The following AHI1 variants were observed in gnomAD, a reference collection of about 807,000 sequenced individuals.
AHI1 encodes jouberin.
Under a neutral mutation model 149.3 loss-of-function variants are expected in AHI1, and 123 were observed. That is an observed-to-expected ratio of 0.82 (90% CI 0.71 to 0.96). The LOEUF (loss-of-function observed/expected upper bound fraction) is 0.96, where lower values mean the gene tolerates loss of function less well. Ranked by LOEUF, AHI1 falls within the 40% of genes least tolerant of loss-of-function variation. AHI1 has a pLI of 0.00. For missense variants in AHI1, 1,439 were observed against 1,422.7 expected (o/e 1.01, Z -0.18); for synonymous variants, 475 against 459.8 (o/e 1.03, Z -0.42).
In AHI1 at chr6:135,468,520, A is replaced by G. The variant is rs541284209; in HGVS notation, c.136-886T>C. 1.7e-4 allele frequency among the ~76,000 whole-genome samples: 26 copies of G among 152,300 alleles called. No homozygotes were observed. In the South Asian group the frequency reaches 4.1e-3, roughly 24 times the overall value. On this transcript the variant is annotated intron_variant, in intron 5 of 28. Coordinates refer to ENST00000265602, the MANE Select transcript of AHI1 (RefSeq NM_001134831.2). The stretch of plus-strand genomic sequence containing the variant: ...GGAGTTCGAGATCAGCCTGGCCAAC[A>G]TGGTGAAACCCTATCTCTATCAAAA...
intron 5 of AHI1, among the ~76,000 whole-genome samples, chr6:135,486,058 C>T (rs1279219602): frequency 6.6e-6 from 1 of 152,170 alleles, no homozygotes; most frequent in Non-Finnish European, 1.5e-5. Flanking sequence ...ATGTAAAGCA[C>T]TTATTATGGT....
intron 23 of AHI1, among the ~76,000 whole-genome samples, chr6:135,367,555 A>C (rs1335955825): frequency 6.6e-6 from 1 of 151,940 alleles, no homozygotes; most frequent in Admixed American, 6.6e-5. Flanking sequence ...TCATTAAAAA[A>C]ATTTTTTCTT....
At chr6:135,422,973 C>T (rs949771846) in intron 20 of AHI1, among the ~76,000 whole-genome samples, 9 of 152,070 alleles carry the variant, frequency 5.9e-5, no homozygotes, top group Non-Finnish European at 1.2e-4. Flanking sequence ...GTGCCTAAGA[C>T]AGATAGCTTA....
At chr6:135,327,584 AT>A (rs1251092536) in intron 24 of AHI1, among the ~76,000 whole-genome samples, 2 of 152,144 alleles carry the variant, frequency 1.3e-5, no homozygotes, top group African/African-American at 4.8e-5. Context: ...TTTTGGTTTA[AT>A]GGTGGGTATG....
At chr6:135,430,021 A>G (rs1245804916) in intron 17 of AHI1, 21 bp from the exon 18 acceptor site, 1 of 1,334,852 alleles carries the variant, frequency 7.5e-7, no homozygotes, top group Non-Finnish European at 1.0e-6. Context: ...TAAAAAAAAT[A>G]CTACTACTGA....
At chr6:135,375,387 C>T (rs1453113609) in intron 23 of AHI1, among the ~76,000 whole-genome samples, 1 of 151,852 alleles carries the variant, frequency 6.6e-6, no homozygotes, top group Non-Finnish European at 1.5e-5. Context: ...TAAAATAATG[C>T]AATATTAACA....
rs908280642 is a variant in AHI1, at chr6:135,411,599, C to G, written c.2765-55G>C. ...TCATCATAGCAAAAGCATAATCAAG[C>G]CCTAAAACTGTAGCATTCAACAAAT... On this transcript the variant is annotated intron_variant, in intron 20 of 28. Transcript: ENST00000265602. 18 of 1,396,372 alleles carry G rather than the reference C, an allele frequency of 1.3e-5. No homozygotes were observed. The African/African-American group carries it at 2.0e-4, about 16-fold the overall frequency. The allele number at this position is 1,396,372 out of a possible 1,614,324, so 86.5% of individuals were successfully genotyped here. A position where few individuals can be genotyped will look rare whatever the true frequency, so the allele number is the denominator to read the frequency against.
chr6:135,460,591 C>A (rs1789716225), intron 8 of AHI1, among the ~76,000 whole-genome samples: 1 of 152,110 alleles, frequency 6.6e-6, no homozygotes, highest in African/African-American at 2.4e-5. Context: ...AGAAGCTCTT[C>A]TAAAATCCAT....
chr6:135,369,166 A>G (rs1373732089), intron 23 of AHI1, among the ~76,000 whole-genome samples: 2 of 152,192 alleles, frequency 1.3e-5, no homozygotes, highest in Admixed American at 1.3e-4. Context: ...GGTAAGGTCA[A>G]ATCCTTTTCT....
At chr6:135,487,409 T>C (rs1276344536) in intron 5 of AHI1, among the ~76,000 whole-genome samples, 2 of 152,206 alleles carry the variant, frequency 1.3e-5, no homozygotes, top group Admixed American at 1.3e-4. Flanking sequence ...CATTATCATA[T>C]ACATATATCT....
At chr6:135,347,304 C>T (rs981433046) in intron 24 of AHI1, among the ~76,000 whole-genome samples, 2 of 152,124 alleles carry the variant, frequency 1.3e-5, no homozygotes, top group African/African-American at 4.8e-5. Flanking sequence ...TGTAGCAGGG[C>T]TTTTAAAAAT....
intron 26 of AHI1, among the ~76,000 whole-genome samples, chr6:135,314,016 CA>C (rs1785581627): frequency 6.6e-6 from 1 of 152,222 alleles, no homozygotes; most frequent in Non-Finnish European, 1.5e-5. Context: ...TTAGCTGTCA[CA>C]GCAACCCTTT....
intron 26 of AHI1, among the ~76,000 whole-genome samples, chr6:135,309,668 A>G (rs904391343): frequency 6.6e-6 from 1 of 151,976 alleles, no homozygotes; most frequent in Non-Finnish European, 1.5e-5. Context: ...TTTAGTAGAA[A>G]CGGGGGTTTC....
At chr6:135,300,962 T>C (rs947091137) in intron 26 of AHI1, 6 of 986,330 alleles carry the variant, frequency 6.1e-6, no homozygotes, top group Non-Finnish European at 7.2e-6. Flanking sequence ...TTCATAGTAA[T>C]ACACATTGAT....
intron 23 of AHI1, among the ~76,000 whole-genome samples, chr6:135,373,621 T>A (rs1775398326): frequency 1.3e-5 from 2 of 152,196 alleles, no homozygotes; most frequent in Non-Finnish European, 2.9e-5. Flanking sequence ...CCATTGTACC[T>A]AATCTGAACA....
At chr6:135,464,940 G>C (rs1023226892) in intron 7 of AHI1, among the ~76,000 whole-genome samples, 1 of 152,186 alleles carries the variant, frequency 6.6e-6, no homozygotes, top group African/African-American at 2.4e-5. Context: ...GTAAATGCTT[G>C]TTGTCTTAAG....
chr6:135,448,879 G>A (rs1331960131), intron 11 of AHI1, among the ~76,000 whole-genome samples: 1 of 152,000 alleles, frequency 6.6e-6, no homozygotes, highest in East Asian at 1.9e-4. Flanking sequence ...ATTTTTAATG[G>A]TTAAAATTTT....
chr6:135,460,998 T>TCCTCTATGACCCAATAGCAA (rs1562227208), intron 8 of AHI1, among the ~76,000 whole-genome samples: 1 of 151,998 alleles, frequency 6.6e-6, no homozygotes, highest in African/African-American at 2.4e-5. Context: ...TAGAAAAATA[T>TCCTCTATGACCCAATAGCAA]CTTCAGAACT....
rs1287186188 is a variant in AHI1 at position 135,435,264 on chromosome 6, G to T, written c.2037-2008C>A. On this transcript the variant is annotated intron_variant, in intron 15 of 28. Transcript: ENST00000265602. ...TAATGATGTAAAGAGTCCTAAATTA[G>T]TATCAGTTTTAAAGATAAATAAGGA... 3 of 152,064 alleles carry T rather than the reference G, an allele frequency of 2.0e-5. No individual in the cohort carries two copies. In the East Asian group the frequency reaches 5.8e-4, roughly 29 times the overall value. The allele number at this position is 152,064 out of a possible 1,614,324, so 9.4% of individuals were successfully genotyped here.
Sources: gnomAD v4.1 joint callset for allele counts (sites outside exome capture counted in the v4.1 genomes callset) on GRCh38, gnomAD v4.1.1 for gene constraint, MANE v1.5 for transcripts, NCBI Gene and HGNC (gene_info 2026-07-23, HGNC 2026-07-21) for gene names.